Variants in ZNF385D observed in about 807,000 individuals in gnomAD.
The protein encoded by ZNF385D is zinc finger protein 385D.
Under a neutral mutation model 35.8 loss-of-function variants are expected in ZNF385D, and 15 were observed. The observed-to-expected ratio is 0.42, with a 90% CI of 0.28 to 0.64. The LOEUF is 0.64. Among genes scored for constraint, ZNF385D ranks in the 30% least tolerant of loss-of-function variants. ZNF385D has a pLI of 0.23. For synonymous variants in ZNF385D, 212 were observed against 186.8 expected (o/e 1.13, Z -1.10); for missense variants, 474 against 494.6 (o/e 0.96, Z 0.39).
At chr3:22,247,525 T>C (rs142872012) in intron 2 of ZNF385D, among the ~76,000 whole-genome samples, 152 of 152,198 alleles carry the variant, frequency 1.0e-3, no homozygotes, top group African/African-American at 3.5e-3. Flanking sequence ...CCATACGGTA[T>C]AATTTCTTGA....
intron 3 of ZNF385D, among the ~76,000 whole-genome samples, chr3:22,049,022 C>T (rs555791052): frequency 2.6e-5 from 4 of 152,094 alleles, no homozygotes; most frequent in South Asian, 2.1e-4. Context: ...ATTGGCCGGG[C>T]GTAGTGGCTC....
rs374386338 is a variant in ZNF385D, at chr3:22,047,693, T to C, written c.325+121124A>G. Among the ~76,000 whole-genome samples the C allele has an allele frequency of 4.6e-4, 70 of 152,276 alleles. 1 individual carries two copies. The highest frequency in any genetic ancestry group is 1.4e-3 in the African/African-American group (60 of 41,576). Reference sequence around the variant, plus strand: ...TTCGTATCTTAGCTATTGTGAATGTTTCTTCAATGAACATGGGAGTGCAGT... The same window carrying C: ...TTCGTATCTTAGCTATTGTGAATGTCTCTTCAATGAACATGGGAGTGCAGT... On this transcript the variant is annotated intron_variant, in intron 3 of 5. Transcript: ENST00000494108.
At chr3:21,693,957 C>A (rs1575474646) in intron 1 of ZNF385D, among the ~76,000 whole-genome samples, 1 of 146,872 alleles carries the variant, frequency 6.8e-6, no homozygotes, top group African/African-American at 2.5e-5. Context: ...CGGCTCACTG[C>A]AACCTCCACC....
chr3:22,230,007 G>T (rs567309183), intron 2 of ZNF385D, among the ~76,000 whole-genome samples: 1 of 152,248 alleles, frequency 6.6e-6, no homozygotes, highest in Admixed American at 6.5e-5. Context: ...ATCTAAAGGG[G>T]AAAAATAACA....
intron 3 of ZNF385D, among the ~76,000 whole-genome samples, chr3:21,958,491 T>C (rs909774343): frequency 3.3e-5 from 5 of 152,246 alleles, no homozygotes; most frequent in South Asian, 2.1e-4. Flanking sequence ...TGGGAACATG[T>C]TACGGGATTA....
intron 3 of ZNF385D, among the ~76,000 whole-genome samples, chr3:21,924,641 G>A (rs1443326302): frequency 1.3e-5 from 2 of 152,164 alleles, no homozygotes; most frequent in African/African-American, 4.8e-5. Context: ...GTCAGAGAAA[G>A]CCAAATGGGG....
chr3:21,719,321 C>T (rs2068444065), intron 1 of ZNF385D, among the ~76,000 whole-genome samples: 1 of 152,114 alleles, frequency 6.6e-6, no homozygotes, highest in South Asian at 2.1e-4. Context: ...TGTTAAAGTG[C>T]CCTGGTCCAC....
chr3:21,774,506 G>T (rs1011780202), intron 3 of ZNF385D, among the ~76,000 whole-genome samples: 2 of 151,896 alleles, frequency 1.3e-5, no homozygotes, highest in African/African-American at 2.4e-5. Flanking sequence ...CCAATGGGAT[G>T]CTCTGATGGA....
At chr3:22,077,279 C>G (rs754909543) in intron 3 of ZNF385D, among the ~76,000 whole-genome samples, 4 of 151,876 alleles carry the variant, frequency 2.6e-5, no homozygotes, top group Non-Finnish European at 4.4e-5. Flanking sequence ...TGTTCCCATA[C>G]AGAATTTTGG....
At position 21,451,528 on chromosome 3, in the gene ZNF385D, A is replaced by G. The variant is rs141912229; in HGVS notation, c.440-14325T>C. Among the ~76,000 whole-genome samples, 719 of 152,088 alleles carry G rather than the reference A, an allele frequency of 4.7e-3. 17 individuals are homozygous for G. The highest frequency in any genetic ancestry group is 1.6e-3 in the Non-Finnish European group (109 of 67,908). ...GTGGATCTCTCAAGTTAGTCCAACA[A>G]TCTAGCTTGCTAGTTTTAGAGATCC... On this transcript the variant is annotated intron_variant, in intron 4 of 7. Coordinates refer to ENST00000281523, the MANE Select transcript of ZNF385D (RefSeq NM_024697.3).
At chr3:22,063,520 C>T (rs549429194) in intron 3 of ZNF385D, among the ~76,000 whole-genome samples, 1 of 152,222 alleles carries the variant, frequency 6.6e-6, no homozygotes, top group East Asian at 1.9e-4. Context: ...TTGAGAAGCC[C>T]ACTAAAGCCT....
intron 3 of ZNF385D, among the ~76,000 whole-genome samples, chr3:21,812,575 C>T (rs539632586): frequency 6.6e-5 from 10 of 152,370 alleles, no homozygotes; most frequent in South Asian, 2.1e-4. Context: ...GAGGGTCCCA[C>T]GCCCACGGAG....
chr3:21,604,426 T>G (rs755824906), intron 2 of ZNF385D, among the ~76,000 whole-genome samples: 4 of 152,218 alleles, frequency 2.6e-5, no homozygotes, highest in Non-Finnish European at 5.9e-5. Flanking sequence ...GATTGAAGTT[T>G]AGGAATTTCT....
chr3:21,836,017 G>A (rs1695306855), intron 3 of ZNF385D, among the ~76,000 whole-genome samples: 1 of 151,990 alleles, frequency 6.6e-6, no homozygotes, highest in Admixed American at 6.6e-5. Flanking sequence ...AGATCAGACA[G>A]GTAAAGAAAA....
chr3:21,928,111 C>G (rs1684480), intron 3 of ZNF385D, among the ~76,000 whole-genome samples: 23,793 of 151,878 alleles, frequency 0.16, 4,364 homozygotes, highest in African/African-American at 0.44. Flanking sequence ...GTACTCCCAG[C>G]TAGTGGGGAA....
At chr3:21,949,634 G>C (rs902811470) in intron 3 of ZNF385D, among the ~76,000 whole-genome samples, 2 of 148,454 alleles carry the variant, frequency 1.3e-5, no homozygotes, top group Non-Finnish European at 3.0e-5. Context: ...GTATACAAGT[G>C]CCACTGTGGT....
intron 3 of ZNF385D, among the ~76,000 whole-genome samples, chr3:21,822,912 A>C (rs1022329662): frequency 2.0e-5 from 3 of 152,220 alleles, no homozygotes; most frequent in Admixed American, 2.0e-4. Flanking sequence ...AGATATGGGC[A>C]TATAGTATAA....
At chr3:22,207,684 A>G (rs1697246496) in intron 2 of ZNF385D, among the ~76,000 whole-genome samples, 1 of 151,888 alleles carries the variant, frequency 6.6e-6, no homozygotes, top group African/African-American at 2.4e-5. Flanking sequence ...AGGACTAATA[A>G]CCAGAATCTG....
At chr3:21,732,441 G>A (rs887081888) in intron 1 of ZNF385D, among the ~76,000 whole-genome samples, 5 of 152,120 alleles carry the variant, frequency 3.3e-5, no homozygotes, top group African/African-American at 1.2e-4. Context: ...GTAAAAAGAA[G>A]TTTAGTTTTG....
Sources: gnomAD v4.1 joint callset for allele counts (sites outside exome capture counted in the v4.1 genomes callset) on GRCh38, gnomAD v4.1.1 for gene constraint, MANE v1.5 for transcripts, NCBI Gene and HGNC (gene_info 2026-07-23, HGNC 2026-07-21) for gene names.